Variants in WNT2B observed in about 807,000 individuals in gnomAD.
WNT2B encodes Wnt family member 2B.
In WNT2B, 19 loss-of-function variants were observed where a neutral mutation model predicts 40.5. That is an observed-to-expected ratio of 0.47 (90% CI 0.33 to 0.69). The LOEUF (loss-of-function observed/expected upper bound fraction) is 0.69, where lower values mean the gene tolerates loss of function less well. Among genes scored for constraint, WNT2B ranks in the 30% least tolerant of loss-of-function variants. The pLI is 0.02. For synonymous variants in WNT2B, 220 were observed against 211.9 expected, an observed-to-expected ratio of 1.04 and a Z score of -0.33; for missense variants, 467 against 556.4, an observed-to-expected ratio of 0.84 and a Z score of 1.62.
intron 2 of WNT2B, 86 bp from the exon 3 acceptor site, chr1:112,516,054 T>A: frequency 6.7e-7 from 1 of 1,503,120 alleles, no homozygotes. Context: ...AGGGAAGAGG[T>A]TTCAGAGTCA....
intron 1 of WNT2B, 110 bp from the exon 2 acceptor site, chr1:112,514,764 A>T: frequency 1.0e-6 from 1 of 979,418 alleles, no homozygotes; most frequent in Non-Finnish European, 1.6e-6. Context: ...GGTTAGGGAG[A>T]GGGGACAGAA....
Position 112,515,273 on chromosome 1 carries a change from A to G in WNT2B, c.403+179A>G, listed in dbSNP as rs1652485855. Among the ~76,000 whole-genome samples, 2 of 152,220 alleles carry G rather than the reference A, an allele frequency of 1.3e-5. No individual in the cohort carries two copies. Among genetic ancestry groups the G allele is most frequent in the African/African-American group, 4.8e-5 (2 of 41,452 alleles). On this transcript the variant is annotated intron_variant, in intron 2 of 4. Transcript: ENST00000369684. The surrounding 1 kb of genome is among the most constrained non-coding windows in gnomAD (Gnocchi z 4.4). ...CAGACTCTTAGCATCTTAGATTTGT[A>G]GACAGGGGCTCCTCTAAATCTTAGT...
upstream of WNT2B, among the ~76,000 whole-genome samples, chr1:112,504,733 T>G (rs905682547): frequency 6.6e-6 from 1 of 152,138 alleles, no homozygotes; most frequent in African/African-American, 2.4e-5. Context: ...GGGCCCCTTG[T>G]GCAAGCAGCA....
In WNT2B at chr1:112,524,848, TA is replaced by T. The variant is rs201567045; in HGVS notation, c.*4349del. On this transcript the variant is annotated 3_prime_UTR_variant, in exon 5 of 5. Transcript: ENST00000369684. ...TGCTCATCCTCCTCTCCCCAACAATTAAAAAAAAAAGCAATTAGATTTCGAT... is the reference window on the plus strand; with the variant it reads ...TGCTCATCCTCCTCTCCCCAACAATTAAAAAAAAAGCAATTAGATTTCGAT... 8.9e-5 allele frequency: 13 copies of T among 146,052 alleles called. No homozygotes were observed. Among genetic ancestry groups the T allele is most frequent in the African/African-American group, 1.3e-4 (5 of 39,802 alleles). 9.0% of individuals were successfully genotyped at this position (146,052 alleles called of 1,614,324 possible). A position where few individuals can be genotyped will look rare whatever the true frequency, so the allele number is the denominator to read the frequency against.
chr1:112,479,323 C>G (rs1484948258), intron 1 of WNT2B, among the ~76,000 whole-genome samples: 1 of 152,058 alleles, frequency 6.6e-6, no homozygotes, highest in Non-Finnish European at 1.5e-5. Flanking sequence ...CCTATAATCT[C>G]AGCATTTTGA....
intron 4 of WNT2B, among the ~76,000 whole-genome samples, chr1:112,519,067 G>A (rs1488951315): frequency 3.9e-5 from 6 of 152,078 alleles, no homozygotes; most frequent in African/African-American, 1.4e-4. Context: ...GTGTAGAAGG[G>A]GTTTTTGGTG....
intron 1 of WNT2B, among the ~76,000 whole-genome samples, chr1:112,479,355 C>A (rs995210564): frequency 6.6e-6 from 1 of 152,044 alleles, no homozygotes; most frequent in Non-Finnish European, 1.5e-5. Context: ...GGGCTGATCA[C>A]CTGAGGTCAG....
chr1:112,467,308 T>C (rs1570755863), exon 1 of WNT2B: 1 of 531,986 alleles, frequency 1.9e-6, no homozygotes. Context: ...GTGCCCTTAT[T>C]TGGTGGGCCA....
At chr1:112,483,900 T>A (rs1198895635) in intron 1 of WNT2B, among the ~76,000 whole-genome samples, 1 of 150,734 alleles carries the variant, frequency 6.6e-6, no homozygotes, top group African/African-American at 2.4e-5. Flanking sequence ...CCAATAAGTA[T>A]ATGAAATCAT....
Position 112,514,961 on chromosome 1 carries a change from A to T in WNT2B, c.270A>T (p.Pro90=). Residue 90 remains proline (P), a synonymous_variant, in exon 2 of 5, where the codon CCA becomes CCT. Transcript: ENST00000369684. ...SRQRQLCQRY[P]DIMRSVGEGA... ...AGCGGCAGCTGTGCCAGCGTTACCC[A>T]GACATCATGCGTTCAGTGGGCGAGG... is the stretch of plus-strand genomic sequence containing the variant. The T allele has an allele frequency of 6.2e-7, 1 of 1,614,224 alleles. No individual in the cohort carries two copies.
At chr1:112,479,441 G>A (rs1651153954) in intron 1 of WNT2B, among the ~76,000 whole-genome samples, 1 of 151,236 alleles carries the variant, frequency 6.6e-6, no homozygotes, top group Non-Finnish European at 1.5e-5. Flanking sequence ...GGTTGTGGTG[G>A]CAGGCACCTG....
chr1:112,483,936 G>A (rs1651316902), intron 1 of WNT2B, among the ~76,000 whole-genome samples: 4 of 150,524 alleles, frequency 2.7e-5, no homozygotes, highest in Admixed American at 2.0e-4. Context: ...CAAATGAAAT[G>A]TCACCTCACA....
chr1:112,500,030 C>T (rs2780259), intron 1 of WNT2B, among the ~76,000 whole-genome samples: 4,428 of 152,148 alleles, frequency 0.029, 206 homozygotes, highest in African/African-American at 0.098. Context: ...GGGAAAAAAG[C>T]GAGGGTATGA....
upstream of WNT2B, chr1:112,508,918 C>T: frequency 9.1e-7 from 1 of 1,102,952 alleles, no homozygotes; most frequent in Non-Finnish European, 1.1e-6. This position sits in a 1 kb window ranked among gnomAD's most constrained non-coding sequence, Gnocchi z 4.2. Flanking sequence ...CGGCCTCGGC[C>T]CCGCCCCGTC....
rs1397059759 is a variant in WNT2B at position 112,521,844 on chromosome 1, TG to T, written c.*1337del. ...TCCTATTTTTATGTGAGTTGGACAGTGGTTATCTTTTGCCTGTTGATATCTT... is the reference window on the plus strand; with the variant it reads ...TCCTATTTTTATGTGAGTTGGACAGTGTTATCTTTTGCCTGTTGATATCTT... On this transcript the variant is annotated 3_prime_UTR_variant, in exon 5 of 5. Coordinates refer to ENST00000369684, the MANE Select transcript of WNT2B (RefSeq NM_024494.3). 6.6e-6 allele frequency: 1 copy of T among 152,140 alleles called. No individual in the cohort carries two copies. Among genetic ancestry groups the T allele is most frequent in the Non-Finnish European group, 1.5e-5 (1 of 68,016 alleles). 9.4% of individuals were successfully genotyped at this position (152,140 alleles called of 1,614,324 possible). A position where few individuals can be genotyped will look rare whatever the true frequency, so the allele number is the denominator to read the frequency against.
chr1:112,518,337 G>A (rs944073368), intron 4 of WNT2B: 1 of 152,320 alleles, frequency 6.6e-6, no homozygotes, highest in African/African-American at 2.4e-5. Flanking sequence ...TACAGGCTCA[G>A]CGTCAGGACT....
rs41283054 is a variant in WNT2B at position 112,522,156 on chromosome 1, C to T, written c.*1647C>T. The T allele has an allele frequency of 0.032, 4,798 of 152,316 alleles. 130 individuals carry two copies. Among genetic ancestry groups the T allele is most frequent in the African/African-American group, 0.072 (2,982 of 41,512 alleles). 9.4% of individuals were successfully genotyped at this position (152,316 alleles called of 1,614,324 possible). On this transcript the variant is annotated 3_prime_UTR_variant, in exon 5 of 5. Coordinates refer to ENST00000369684, the MANE Select transcript of WNT2B (RefSeq NM_024494.3). ...AGCAATCCTCCCACCTCAGCCTCCCCATTAGCTGGGACTACAGGGCCATGC... is the reference window on the plus strand; with the variant it reads ...AGCAATCCTCCCACCTCAGCCTCCCTATTAGCTGGGACTACAGGGCCATGC...
chr1:112,467,284 C>T (rs1245594557), exon 1 of WNT2B: 1 of 512,530 alleles, frequency 2.0e-6, no homozygotes, highest in Non-Finnish European at 3.5e-6. Flanking sequence ...ATGGTCTGCC[C>T]AGGCAAAGAA....
chr1:112,474,912 T>C (rs1208777622), intron 1 of WNT2B, among the ~76,000 whole-genome samples: 1 of 152,024 alleles, frequency 6.6e-6, no homozygotes, highest in East Asian at 1.9e-4. Flanking sequence ...CCCAGCTCTC[T>C]CTCTTGCTCC....
Sources: allele counts gnomAD v4.1 joint callset (sites outside exome capture counted in the v4.1 genomes callset), GRCh38; gene constraint gnomAD v4.1.1; non-coding constraint Gnocchi (gnomAD v3.1); transcripts MANE v1.5; gene names NCBI Gene and HGNC (gene_info 2026-07-23, HGNC 2026-07-21).